Variants in TRPC4AP observed in about 807,000 individuals in gnomAD.
TRPC4AP encodes transient receptor potential cation channel subfamily C member 4 associated protein, also known as short transient receptor potential channel 4-associated protein.
TRPC4AP carries 45 observed loss-of-function variants against 99.0 expected under a neutral mutation model. The ratio of observed to expected loss-of-function variants is 0.45; its 90% CI spans 0.36 to 0.58. TRPC4AP has a LOEUF of 0.58. Among genes scored for constraint, TRPC4AP ranks in the 20% least tolerant of loss-of-function variants. The probability of loss-of-function intolerance (pLI) is 0.00; values close to 1 mark genes in which losing one functional copy is unlikely to be tolerated. For missense variants in TRPC4AP, 879 were observed against 985.3 expected (o/e 0.89, Z 1.44); for synonymous variants, 408 against 385.8 (o/e 1.06, Z -0.67).
intron 1 of TRPC4AP, among the ~76,000 whole-genome samples, chr20:35,084,978 A>G (rs1275398149): frequency 6.6e-6 from 1 of 152,218 alleles, no homozygotes; most frequent in Non-Finnish European, 1.5e-5. Context: ...GGAGACGAGT[A>G]AGAAGGAATC....
rs752390633 is a variant in TRPC4AP, at chr20:35,003,510, T to C, written c.2156A>G (p.Lys719Arg). The change falls in exon 18 of 19, where the codon AAG (lysine) becomes AGG (arginine). Residue 719 changes from lysine to arginine, a missense_variant. Physicochemically the swap from Lys to Arg is conservative, Grantham distance 26. Transcript: ENST00000252015. ...LRLLQRMEHSKKYPGFLLNNF... is the reference protein window; with the variant it reads ...LRLLQRMEHSRKYPGFLLNNF... ...GTTGAGCAGGAAGCCGGGGTACTTC[T>C]TGCTGTGCTCCATCCGCTGCAGCAG... 5.6e-6 allele frequency: 9 copies of C among 1,613,962 alleles called. No homozygotes were observed. The highest frequency in any genetic ancestry group is 7.6e-6 in the Non-Finnish European group (9 of 1,180,026).
chr20:35,022,071 C>T lies in TRPC4AP; in HGVS notation c.1052-715G>A, dbSNP rs149860942. Among the ~76,000 whole-genome samples the T allele has an allele frequency of 1.4e-3, 211 of 152,308 alleles. 1 individual carries two copies. The highest frequency in any genetic ancestry group is 3.4e-3 in the Middle Eastern group (1 of 294). ...CACTAGGCCTTAGACTGCTCTGCAG[C>T]AGACAGCTAGGGTTACTGTGCAGAC... is the stretch of plus-strand genomic sequence containing the variant. On this transcript the variant is annotated intron_variant, in intron 8 of 18. Transcript: ENST00000252015.
intron 11 of TRPC4AP, among the ~76,000 whole-genome samples, chr20:35,010,784 A>T (rs1396819329): frequency 6.6e-6 from 1 of 152,142 alleles, no homozygotes. Context: ...ACTAAAAGGT[A>T]TCCCACAGGA....
chr20:35,044,919 A>G (rs2147361688), intron 6 of TRPC4AP, among the ~76,000 whole-genome samples: 1 of 152,186 alleles, frequency 6.6e-6, no homozygotes, highest in African/African-American at 2.4e-5. Context: ...AACGGAACTA[A>G]TCTACCTCAC....
At chr20:35,006,989 T>C (rs1299349317) in intron 14 of TRPC4AP, among the ~76,000 whole-genome samples, 1 of 152,242 alleles carries the variant, frequency 6.6e-6, no homozygotes, top group African/African-American at 2.4e-5. Flanking sequence ...GACCCCATGG[T>C]TTGTCTTTGT....
In TRPC4AP at chr20:35,092,648, T is replaced by C; in HGVS notation, c.134A>G (p.Gln45Arg). ...CCGGACCAGGCCCCGGCCGGTCAGCTGGCCCTGCCGCAGCTGCAGCAGAAT... is the reference window on the plus strand; with the variant it reads ...CCGGACCAGGCCCCGGCCGGTCAGCCGGCCCTGCCGCAGCTGCAGCAGAAT... ...GNILLQLRQG[Q>R]LTGRGLVRAV... Residue 45 changes from glutamine to arginine, a missense_variant, in exon 1 of 19, where the codon CAG becomes CGG. Coordinates refer to ENST00000252015, the MANE Select transcript of TRPC4AP (RefSeq NM_015638.3). 1 of 1,513,652 alleles carries C rather than the reference T, an allele frequency of 6.6e-7. No homozygotes were observed. Among genetic ancestry groups the C allele is most frequent in the East Asian group, 2.7e-5 (1 of 37,592 alleles). The allele number at this position is 1,513,652 out of a possible 1,614,324, so 93.8% of individuals were successfully genotyped here. A position where few individuals can be genotyped will look rare whatever the true frequency, so the allele number is the denominator to read the frequency against.
intron 1 of TRPC4AP, among the ~76,000 whole-genome samples, chr20:35,090,313 T>C (rs980889304): frequency 6.7e-6 from 1 of 150,018 alleles, no homozygotes; most frequent in Non-Finnish European, 1.5e-5. Context: ...AACCATCAGT[T>C]ACCACAATAA....
chr20:35,049,045 G>T (rs1352571266), intron 6 of TRPC4AP, among the ~76,000 whole-genome samples: 1 of 152,140 alleles, frequency 6.6e-6, no homozygotes, highest in African/African-American at 2.4e-5. Flanking sequence ...CCTCTAGGAG[G>T]CTGCTCAACA....
Position 35,002,589 on chromosome 20 carries a change from G to T in TRPC4AP, c.*557C>A. On this transcript the variant is annotated 3_prime_UTR_variant, in exon 19 of 19. Transcript: ENST00000252015. ...GGAGGGAAAGGCCCCTCACTTCTGG[G>T]AGAACCCCCTTGGATGAACACAGCG... is the stretch of plus-strand genomic sequence containing the variant. 5.3e-6 allele frequency: 1 copy of T among 188,202 alleles called. No homozygotes were observed. Among genetic ancestry groups the T allele is most frequent in the Non-Finnish European group, 1.1e-5 (1 of 92,062 alleles). The allele number at this position is 188,202 out of a possible 1,614,324, so 11.7% of individuals were successfully genotyped here.
intron 7 of TRPC4AP, 38 bp downstream of exon 7, chr20:35,044,467 G>T (rs1162792218): frequency 6.3e-7 from 1 of 1,583,828 alleles, no homozygotes; most frequent in Non-Finnish European, 8.7e-7. Flanking sequence ...GGGCCTCAGA[G>T]CTATAATCTC....
chr20:35,072,767 CTCT>C (rs2084354230), intron 2 of TRPC4AP, among the ~76,000 whole-genome samples: 1 of 152,244 alleles, frequency 6.6e-6, no homozygotes, highest in Non-Finnish European at 1.5e-5. Flanking sequence ...GCAATGTGGG[CTCT>C]TTTTTGGTTC....
At chr20:35,058,583 T>A (rs1429583936) in intron 3 of TRPC4AP, among the ~76,000 whole-genome samples, 2 of 151,798 alleles carry the variant, frequency 1.3e-5, no homozygotes, top group African/African-American at 4.8e-5. Context: ...CAAGGGGAAG[T>A]ATAAAGTATC....
chr20:35,089,970 A>C (rs894742408), intron 1 of TRPC4AP, among the ~76,000 whole-genome samples: 4 of 152,052 alleles, frequency 2.6e-5, no homozygotes, highest in African/African-American at 9.7e-5. Context: ...AGATACAAAA[A>C]TTAATGGGGT....
intron 11 of TRPC4AP, among the ~76,000 whole-genome samples, chr20:35,010,524 T>C (rs1295905827): frequency 2.8e-5 from 4 of 142,384 alleles, no homozygotes; most frequent in African/African-American, 1.0e-4. Flanking sequence ...GCCTGCCACA[T>C]TCATCGACAA....
At position 35,084,480 on chromosome 20, in the gene TRPC4AP, G is replaced by A. The variant is rs568559483; in HGVS notation, c.169-6306C>T. 8.4e-5 allele frequency among the ~76,000 whole-genome samples: 10 copies of A among 118,750 alleles called. 1 individual carries two copies. The South Asian group carries it at 2.2e-3, about 26-fold the overall frequency. 77.9% of individuals were successfully genotyped at this position (118,750 alleles called of 152,430 possible). On this transcript the variant is annotated intron_variant, in intron 1 of 18. Transcript: ENST00000252015. Reference sequence around the variant, plus strand: ...TATGTGTGTATATATGTATATATGTGTATATATGTATATATCTATATATGT... The same window carrying A: ...TATGTGTGTATATATGTATATATGTATATATATGTATATATCTATATATGT...
At chr20:35,066,382 C>T (rs1434759952) in intron 3 of TRPC4AP, among the ~76,000 whole-genome samples, 1 of 152,184 alleles carries the variant, frequency 6.6e-6, no homozygotes, top group Non-Finnish European at 1.5e-5. Context: ...GCTGGGATTA[C>T]AGGCATGAGT....
chr20:35,036,819 G>A (rs965438515), intron 7 of TRPC4AP, among the ~76,000 whole-genome samples: 5 of 152,076 alleles, frequency 3.3e-5, no homozygotes, highest in African/African-American at 7.2e-5. Flanking sequence ...GGTATCGTGC[G>A]CCTGTAGTCC....
At chr20:35,068,898 C>T (rs1275802888) in intron 3 of TRPC4AP, among the ~76,000 whole-genome samples, 1 of 150,124 alleles carries the variant, frequency 6.7e-6, no homozygotes, top group African/African-American at 2.5e-5. Context: ...TGGTATATCA[C>T]TCTATGTGCG....
chr20:35,054,122 T>C (rs2083767888), intron 5 of TRPC4AP, among the ~76,000 whole-genome samples: 2 of 152,170 alleles, frequency 1.3e-5, no homozygotes. Context: ...TTGGTAGATT[T>C]TGCATACACC....
Sources: gnomAD v4.1 joint callset for allele counts (sites outside exome capture counted in the v4.1 genomes callset) on GRCh38, gnomAD v4.1.1 for gene constraint, MANE v1.5 for transcripts, NCBI Gene and HGNC (gene_info 2026-07-23, HGNC 2026-07-21) for gene names.